The following GLRA2 variants were observed in gnomAD, a reference collection of about 807,000 sequenced individuals.
The protein encoded by GLRA2 is glycine receptor alpha 2, also known as glycine receptor subunit alpha-2.
A neutral mutation model predicts 31.6 loss-of-function variants in GLRA2; 11 were observed. The ratio of observed to expected loss-of-function variants is 0.35; its 90% CI spans 0.22 to 0.58. GLRA2 has a LOEUF of 0.58. Among genes scored for constraint, GLRA2 ranks in the 20% least tolerant of loss-of-function variants. The pLI is 0.84. For missense variants in GLRA2, 212 were observed against 351.8 expected, an observed-to-expected ratio of 0.60 and a Z score of 3.18; for synonymous variants, 132 against 134.0, an observed-to-expected ratio of 0.99 and a Z score of 0.10.
chrX:14,599,128 A>G, intron 4 of GLRA2, among the ~76,000 whole-genome samples: 1 of 112,623 alleles, frequency 8.9e-6, no homozygotes, highest in Non-Finnish European at 1.9e-5. Flanking sequence ...TACTTTCAGT[A>G]AAGAAGCAGG....
intron 8 of GLRA2, among the ~76,000 whole-genome samples, chrX:14,719,633 A>G (rs931929943): frequency 4.5e-5 from 5 of 112,205 alleles, no homozygotes; most frequent in African/African-American, 1.6e-4. Flanking sequence ...GCCATTATGG[A>G]AAACAGTATA....
intron 2 of GLRA2, among the ~76,000 whole-genome samples, chrX:14,550,189 C>T (rs11798387): frequency 0.2 from 21,709 of 106,626 alleles, 2,191 homozygotes; most frequent in Non-Finnish European, 0.31. Context: ...GTAGATTTAT[C>T]GTTTAAAAGA....
the GLRA2 span, among the ~76,000 whole-genome samples, chrX:14,484,209 A>G: frequency 8.9e-6 from 1 of 112,200 alleles, no homozygotes; most frequent in African/African-American, 3.2e-5. Flanking sequence ...GCCTTTGTCT[A>G]TCTTGCACTA....
intron 7 of GLRA2, among the ~76,000 whole-genome samples, chrX:14,668,252 T>C (rs2091054556): frequency 8.9e-6 from 1 of 112,024 alleles, no homozygotes; most frequent in Admixed American, 9.4e-5. Flanking sequence ...CGAAAGAAAG[T>C]GCAAGCAAGA....
intron 5 of GLRA2, among the ~76,000 whole-genome samples, chrX:14,605,454 T>C (rs2090324155): frequency 9.0e-6 from 1 of 111,483 alleles, no homozygotes; most frequent in Non-Finnish European, 1.9e-5. Context: ...TATGTATTCA[T>C]TTTTTTCCTT....
At chrX:14,714,368 C>T (rs2091754506) in intron 8 of GLRA2, among the ~76,000 whole-genome samples, 1 of 111,401 alleles carries the variant, frequency 9.0e-6, no homozygotes, top group African/African-American at 3.3e-5. Flanking sequence ...AAATGCAAAG[C>T]TCAGTTCCCA....
At chrX:14,462,980 G>GT in the GLRA2 span, among the ~76,000 whole-genome samples, 1 of 111,865 alleles carries the variant, frequency 8.9e-6, no homozygotes, top group East Asian at 2.8e-4. Context: ...CATCTTTGTG[G>GT]TTTTATCTAC....
At chrX:14,613,351 A>G (rs1204179345) in intron 7 of GLRA2, among the ~76,000 whole-genome samples, 1 of 111,919 alleles carries the variant, frequency 8.9e-6, no homozygotes, top group Non-Finnish European at 1.9e-5. Context: ...TGTACTGTCA[A>G]TGAGATTAAC....
At chrX:14,604,847 G>T (rs2090317569) in intron 5 of GLRA2, among the ~76,000 whole-genome samples, 1 of 110,352 alleles carries the variant, frequency 9.1e-6, no homozygotes, top group Non-Finnish European at 1.9e-5. Flanking sequence ...CTGGCAGGAA[G>T]GGATAATTGC....
At chrX:14,618,472 C>G (rs12838538) in intron 7 of GLRA2, among the ~76,000 whole-genome samples, 38,030 of 110,838 alleles carry the variant, frequency 0.34, 4,870 homozygotes, top group African/African-American at 0.45. Flanking sequence ...TTTATGTAAA[C>G]GGCATTATGT....
rs1241559679 is a variant in GLRA2, at chrX:14,722,209, G to A, written c.1081-7998G>A. Among the ~76,000 whole-genome samples the A allele has an allele frequency of 2.7e-5, 3 of 112,071 alleles. No homozygotes were observed. In the East Asian group the frequency reaches 8.4e-4, roughly 31 times the overall value. On this transcript the variant is annotated intron_variant, in intron 8 of 8. Transcript: ENST00000218075. ...TTGGGAAGATCTCAGCTAGGCAGTT[G>A]TGGTTCGGGGTCTCTCCTCTTGGTG...
chrX:14,566,063 C>A (rs775535281), intron 2 of GLRA2, among the ~76,000 whole-genome samples: 6 of 111,316 alleles, frequency 5.4e-5, no homozygotes, highest in African/African-American at 9.8e-5. Context: ...AATTGATAAA[C>A]ATTTACCTAG....
At chrX:14,549,495 CA>C (rs2089526769) in intron 2 of GLRA2, among the ~76,000 whole-genome samples, 1 of 111,320 alleles carries the variant, frequency 9.0e-6, no homozygotes, top group South Asian at 3.8e-4. Context: ...CAATCATCCA[CA>C]AAAGAGAGAT....
In GLRA2 at chrX:14,730,772, A is replaced by G; in HGVS notation, c.*287A>G. The G allele has an allele frequency of 3.5e-6, 1 of 284,641 alleles. No individual in the cohort carries two copies. The highest frequency in any genetic ancestry group is 6.3e-5 in the South Asian group (1 of 15,804). The allele number at this position is 284,641 out of a possible 1,213,427, so 23.5% of individuals were successfully genotyped here. A position where few individuals can be genotyped will look rare whatever the true frequency, so the allele number is the denominator to read the frequency against. On this transcript the variant is annotated 3_prime_UTR_variant, in exon 9 of 9. Coordinates refer to ENST00000218075, the MANE Select transcript of GLRA2 (RefSeq NM_002063.4). ...CAGACATGATATGCGCAACATTCAG[A>G]CATGATATGCGCATCATTCAGACAT... is the stretch of plus-strand genomic sequence containing the variant.
At chrX:14,588,024 A>T (rs1425866655) in intron 4 of GLRA2, among the ~76,000 whole-genome samples, 1 of 109,419 alleles carries the variant, frequency 9.1e-6, no homozygotes, top group African/African-American at 3.3e-5. Context: ...TTCTTGCCTC[A>T]GCCTGCCAAG....
chrX:14,596,252 T>C (rs1463525916), intron 4 of GLRA2, among the ~76,000 whole-genome samples: 3 of 111,688 alleles, frequency 2.7e-5, no homozygotes, highest in African/African-American at 9.8e-5. Flanking sequence ...CTGCCTACTT[T>C]TGGCCTTTGC....
At chrX:14,685,032 T>C (rs1157318038) in intron 7 of GLRA2, among the ~76,000 whole-genome samples, 3 of 111,843 alleles carry the variant, frequency 2.7e-5, no homozygotes, top group Middle Eastern at 4.6e-3. Flanking sequence ...TGAAGGGTTG[T>C]TGAATTTTGT....
the GLRA2 span, among the ~76,000 whole-genome samples, chrX:14,468,277 A>C: frequency 1.8e-5 from 2 of 112,386 alleles, no homozygotes; most frequent in East Asian, 2.8e-4. Flanking sequence ...AGTAAGTTTC[A>C]TTCTTTAGAG....
the GLRA2 span, among the ~76,000 whole-genome samples, chrX:14,464,788 C>A: frequency 9.0e-6 from 1 of 111,699 alleles, no homozygotes; most frequent in East Asian, 2.8e-4. Context: ...ATCTCCTGAC[C>A]TTGTGATCTG....
Sources: allele counts gnomAD v4.1 joint callset (sites outside exome capture counted in the v4.1 genomes callset), GRCh38; gene constraint gnomAD v4.1.1; transcripts MANE v1.5; gene names NCBI Gene and HGNC (gene_info 2026-07-23, HGNC 2026-07-21).